Variants in ARMC9 observed in about 807,000 individuals in gnomAD.
ARMC9 encodes armadillo repeat containing 9.
A neutral mutation model predicts 107.0 loss-of-function variants in ARMC9; 94 were observed. The ratio of observed to expected loss-of-function variants is 0.88; its 90% CI spans 0.74 to 1.04. ARMC9 has a LOEUF of 1.04. ARMC9 is among the 50% of genes least tolerant of loss of function. The probability of loss-of-function intolerance (pLI) is 0.00; values close to 1 mark genes in which losing one functional copy is unlikely to be tolerated. For missense variants in ARMC9, 942 were observed against 1,030.1 expected (o/e 0.91, Z 1.17); for synonymous variants, 380 against 396.9 (o/e 0.96, Z 0.51).
At chr2:231,226,700 T>C (rs2034674187) in intron 6 of ARMC9, 74 bp from the exon 7 acceptor site, 2 of 1,528,672 alleles carry the variant, frequency 1.3e-6, no homozygotes, top group Non-Finnish European at 1.8e-6. Flanking sequence ...TTTCTCACAT[T>C]GGCCACAGGA....
intron 9 of ARMC9, among the ~76,000 whole-genome samples, chr2:231,241,813 A>T (rs1352775232): frequency 6.6e-6 from 1 of 152,066 alleles, no homozygotes; most frequent in Non-Finnish European, 1.5e-5. Flanking sequence ...AAAAATGCAT[A>T]TGCTGTGAGC....
rs1431367923 is a variant in ARMC9 at position 231,364,463 on chromosome 2, T to C, written c.2261+3580T>C. Among the ~76,000 whole-genome samples the C allele has an allele frequency of 3.9e-5, 6 of 152,344 alleles. No individual in the cohort carries two copies. In the East Asian group the frequency reaches 1.2e-3, roughly 29 times the overall value. ...ACATGTATGCCTTTCCCCTCACGTTTGTCCCTGAGGATGGACAGCAGCTCC... is the reference window on the plus strand; with the variant it reads ...ACATGTATGCCTTTCCCCTCACGTTCGTCCCTGAGGATGGACAGCAGCTCC... On this transcript the variant is annotated intron_variant, in intron 23 of 24. Coordinates refer to ENST00000611582, the MANE Select transcript of ARMC9 (RefSeq NM_001352754.2).
Position 231,282,040 on chromosome 2 carries a change from T to C in ARMC9, c.1552-19T>C. On this transcript the variant is annotated intron_variant, in intron 16 of 24. Coordinates refer to ENST00000611582, the MANE Select transcript of ARMC9 (RefSeq NM_001352754.2). ...ATTTGAAAACTTGCAAATAACTGGT[T>C]TTTTTCCTCCCCTTAAAGATACAGC... 2 of 1,613,148 alleles carry C rather than the reference T, an allele frequency of 1.2e-6. No individual in the cohort carries two copies. Among genetic ancestry groups the C allele is most frequent in the Non-Finnish European group, 1.7e-6 (2 of 1,179,164 alleles).
At chr2:231,239,814 G>GCTTACATACCTCATCATCATGC in intron 8 of ARMC9, 129 bp from the exon 9 acceptor site, 1 of 741,614 alleles carries the variant, frequency 1.3e-6, no homozygotes, top group Non-Finnish European at 2.3e-6. Context: ...TATTTTTCTG[G>GCTTACATACCTCATCATCATGC]CTTACATACC....
Position 231,355,859 on chromosome 2 carries a change from G to T in ARMC9, c.2056G>T (p.Ala686Ser), listed in dbSNP as rs2045324253. ...AQHARNGHPQ[A>S]LPAAHEAVYR... is the part of the protein sequence containing the mutation. Reference sequence around the variant, plus strand: ...GCACGCCAGAAACGGCCACCCGCAGGCCCTGCCAGCCGCTCACGAGGCTGT... The same window carrying T: ...GCACGCCAGAAACGGCCACCCGCAGTCCCTGCCAGCCGCTCACGAGGCTGT... The change falls in exon 22 of 25, where the codon GCC becomes TCC. Residue 686 changes from alanine (A) to serine (S), a missense_variant. Ala to Ser is a moderately conservative substitution (Grantham distance 99). Coordinates refer to ENST00000611582, the MANE Select transcript of ARMC9 (RefSeq NM_001352754.2). 1.3e-6 allele frequency: 2 copies of T among 1,535,976 alleles called. No homozygotes were observed. Among genetic ancestry groups the T allele is most frequent in the Non-Finnish European group, 1.7e-6 (2 of 1,146,898 alleles).
rs1345595442 is a variant in ARMC9, at chr2:231,355,855, G to A, written c.2052G>A (p.Pro684=). 5.9e-6 allele frequency: 9 copies of A among 1,535,918 alleles called. No individual in the cohort carries two copies. The highest frequency in any genetic ancestry group is 7.8e-6 in the Non-Finnish European group (9 of 1,146,880). The change falls in exon 22 of 25, where the codon CCG becomes CCA. Residue 684 remains proline (P), a synonymous_variant. Coordinates refer to ENST00000611582, the MANE Select transcript of ARMC9 (RefSeq NM_001352754.2). ...CCCAGCACGCCAGAAACGGCCACCCGCAGGCCCTGCCAGCCGCTCACGAGG... is the reference window on the plus strand; with the variant it reads ...CCCAGCACGCCAGAAACGGCCACCCACAGGCCCTGCCAGCCGCTCACGAGG... ...QTAQHARNGH[P]QALPAAHEAV...
chr2:231,318,281 T>C (rs1267668052), intron 19 of ARMC9, among the ~76,000 whole-genome samples: 1 of 152,078 alleles, frequency 6.6e-6, no homozygotes, highest in African/African-American at 2.4e-5. Context: ...AATTTAACTG[T>C]TGATTGGGAT....
chr2:231,241,066 T>C (rs1294325298), intron 9 of ARMC9, among the ~76,000 whole-genome samples: 2 of 151,764 alleles, frequency 1.3e-5, no homozygotes, highest in Non-Finnish European at 2.9e-5. Flanking sequence ...AGCGTGGTGG[T>C]GGGCACCTGT....
rs1394579421 is a variant in ARMC9, at chr2:231,337,485, T to TAG, written c.1878+5588_1878+5589insAG. Among the ~76,000 whole-genome samples the TAG allele has an allele frequency of 8.3e-3, 1,057 of 127,532 alleles. 23 individuals carry two copies. Among genetic ancestry groups the TAG allele is most frequent in the African/African-American group, 0.01 (316 of 30,718 alleles). 83.7% of individuals were successfully genotyped at this position (127,532 alleles called of 152,430 possible). ...CTAATTTTTGTTTTTTTTTTTTTTTTTTGAGACAGAGTCTCGCTCTGTCGC... is the reference window on the plus strand; with the variant it reads ...CTAATTTTTGTTTTTTTTTTTTTTTTAGTTGAGACAGAGTCTCGCTCTGTCGC... On this transcript the variant is annotated intron_variant, in intron 20 of 24. Coordinates refer to ENST00000611582, the MANE Select transcript of ARMC9 (RefSeq NM_001352754.2).
At chr2:231,224,548 A>G (rs985572520) in intron 6 of ARMC9, among the ~76,000 whole-genome samples, 52 of 152,380 alleles carry the variant, frequency 3.4e-4, no homozygotes, top group African/African-American at 1.2e-3. Flanking sequence ...ACAGTCCAGT[A>G]TATAGTAAGT....
At position 231,334,989 on chromosome 2, in the gene ARMC9, A is replaced by G. The variant is rs538695716; in HGVS notation, c.1878+3092A>G. 3.9e-5 allele frequency among the ~76,000 whole-genome samples: 6 copies of G among 152,298 alleles called. No individual in the cohort carries two copies. The South Asian group carries it at 1.0e-3, about 26-fold the overall frequency. On this transcript the variant is annotated intron_variant, in intron 20 of 24. Coordinates refer to ENST00000611582, the MANE Select transcript of ARMC9 (RefSeq NM_001352754.2). ...CCCCTTGTTCCGATGTACTGGGTAC[A>G]TTGCAGATTTTTCAAGATGACTCTA...
chr2:231,241,039 C>A (rs1881483), intron 9 of ARMC9, among the ~76,000 whole-genome samples: 24,948 of 151,618 alleles, frequency 0.16, 4,573 homozygotes, highest in African/African-American at 0.45. Context: ...CTCTACTAAA[C>A]ATACAAAAAT....
rs573591157 is a variant in ARMC9, at chr2:231,367,856, G to A, written c.2262-2097G>A. Among the ~76,000 whole-genome samples the A allele has an allele frequency of 6.6e-5, 10 of 151,544 alleles. No individual in the cohort carries two copies. The South Asian group carries it at 8.3e-4, about 13-fold the overall frequency. ...AAATTAGCCGGGCGTGGTGGCGGGC[G>A]CCTGTAATTGCAGCTACTCGGGAGG... On this transcript the variant is annotated intron_variant, in intron 23 of 24. Transcript: ENST00000611582.
rs115708971 is a variant in ARMC9 at position 231,301,312 on chromosome 2, A to G, written c.1773+5059A>G. Among the ~76,000 whole-genome samples, 789 of 152,316 alleles carry G rather than the reference A, an allele frequency of 5.2e-3. 7 individuals are homozygous for G. The highest frequency in any genetic ancestry group is 0.018 in the African/African-American group (743 of 41,562). On this transcript the variant is annotated intron_variant, in intron 19 of 24. Transcript: ENST00000611582. ...AACAATGCTGTAGTAAAATCTTTGT[A>G]AAAATATCCTTATTTACCAGGGCTT...
intron 19 of ARMC9, among the ~76,000 whole-genome samples, chr2:231,311,649 A>G (rs867069770): frequency 1.3e-5 from 2 of 151,954 alleles, no homozygotes; most frequent in Non-Finnish European, 2.9e-5. Flanking sequence ...ATGCGCCTGT[A>G]ATCTCAGCTA....
chr2:231,198,981 G>C (rs556662654), intron 1 of ARMC9: 1 of 152,248 alleles, frequency 6.6e-6, no homozygotes, highest in Non-Finnish European at 1.5e-5. Flanking sequence ...GGCCATACTT[G>C]GAGGGGGTCC....
intron 10 of ARMC9, among the ~76,000 whole-genome samples, chr2:231,257,892 C>T (rs1269232787): frequency 6.6e-6 from 1 of 152,134 alleles, no homozygotes; most frequent in Non-Finnish European, 1.5e-5. Context: ...TACAATAAAA[C>T]AACAATAAAA....
At position 231,211,574 on chromosome 2, in the gene ARMC9, G is replaced by A. The variant is rs571948501; in HGVS notation, c.178-3257G>A. ...TGCTGCAGTGAACGTGGGTGTGCAA[G>A]TATCTCTTTAAGGCCTTGCTTTCTG... is the stretch of plus-strand genomic sequence containing the variant. On this transcript the variant is annotated intron_variant, in intron 3 of 24. Coordinates refer to ENST00000611582, the MANE Select transcript of ARMC9 (RefSeq NM_001352754.2). Among the ~76,000 whole-genome samples, 5 of 151,908 alleles carry A rather than the reference G, an allele frequency of 3.3e-5. No homozygotes were observed. In the South Asian group the frequency reaches 1.0e-3, roughly 32 times the overall value.
chr2:231,214,929 T>G lies in ARMC9; in HGVS notation c.276T>G (p.Phe92Leu). 6.2e-7 allele frequency: 1 copy of G among 1,614,202 alleles called. No homozygotes were observed. The highest frequency in any genetic ancestry group is 8.5e-7 in the Non-Finnish European group (1 of 1,180,034). The change falls in exon 4 of 25, where the codon TTT becomes TTG. Residue 92 changes from phenylalanine (F) to leucine (L), a missense_variant. Physicochemically the swap from Phe to Leu is conservative, Grantham distance 22 (BLOSUM62 0). Coordinates refer to ENST00000611582, the MANE Select transcript of ARMC9 (RefSeq NM_001352754.2). Reference protein sequence around the residue: ...ISSSIRDGDSFAQKLEFYLHI... With the variant: ...ISSSIRDGDSLAQKLEFYLHI... ...GTTCCATCCGAGATGGGGACTCCTTTGCCCAGAAGCTGGAATTCTATCTCC... is the reference window on the plus strand; with the variant it reads ...GTTCCATCCGAGATGGGGACTCCTTGGCCCAGAAGCTGGAATTCTATCTCC...
Sources: allele counts gnomAD v4.1 joint callset (sites outside exome capture counted in the v4.1 genomes callset), GRCh38; gene constraint gnomAD v4.1.1; transcripts MANE v1.5; gene names NCBI Gene and HGNC (gene_info 2026-07-23, HGNC 2026-07-21).